Variants in CSMD1 observed in about 807,000 individuals in gnomAD.
CSMD1 encodes CUB and Sushi multiple domains 1.
CSMD1 carries 213 observed loss-of-function variants against 417.5 expected under a neutral mutation model. The observed-to-expected ratio is 0.51, with a 90% CI of 0.46 to 0.57. The LOEUF (loss-of-function observed/expected upper bound fraction) is 0.57. Ranked by LOEUF, CSMD1 falls within the 20% of genes least tolerant of loss-of-function variation. CSMD1 has a pLI of 0.00. For synonymous variants in CSMD1, 2,862 were observed against 1,736.8 expected (o/e 1.65, Z -16.11); for missense variants, 6,923 against 4,529.7 (o/e 1.53, Z -15.17).
At chr8:4,065,593 A>C (rs1302571452) in intron 3 of CSMD1, among the ~76,000 whole-genome samples, 1 of 152,168 alleles carries the variant, frequency 6.6e-6, no homozygotes, top group African/African-American at 2.4e-5. Context: ...TTCTTGCTCA[A>C]ATGCTATGTA....
At chr8:4,275,043 C>T (rs1338358208) in intron 3 of CSMD1, among the ~76,000 whole-genome samples, 1 of 152,076 alleles carries the variant, frequency 6.6e-6, no homozygotes, top group Non-Finnish European at 1.5e-5. Flanking sequence ...CCTTAAACTA[C>T]TTGCTCCAAG....
rs139435869 is a variant in CSMD1 at position 4,391,581 on chromosome 8, C to T, written c.415+28372G>A. Among the ~76,000 whole-genome samples, 64 of 152,100 alleles carry T rather than the reference C, an allele frequency of 4.2e-4. 1 individual carries two copies. The highest frequency in any genetic ancestry group is 1.3e-3 in the African/African-American group (53 of 41,486). On this transcript the variant is annotated intron_variant, in intron 3 of 69. Coordinates refer to ENST00000635120, the MANE Select transcript of CSMD1 (RefSeq NM_033225.6). Reference sequence around the variant, plus strand: ...AGACTTGGCCAGTGACTTTCAGCTACCCTATTTTTGCCCCCGCTTTTGACT... The same window carrying T: ...AGACTTGGCCAGTGACTTTCAGCTATCCTATTTTTGCCCCCGCTTTTGACT...
chr8:4,487,130 A>G (rs1801454048), intron 2 of CSMD1, among the ~76,000 whole-genome samples: 1 of 152,184 alleles, frequency 6.6e-6, no homozygotes, highest in African/African-American at 2.4e-5. Flanking sequence ...CATATAAGGC[A>G]CTATTTCAAG....
chr8:3,431,791 A>T (rs2117022807), intron 12 of CSMD1, among the ~76,000 whole-genome samples: 1 of 152,296 alleles, frequency 6.6e-6, no homozygotes, highest in South Asian at 2.1e-4. Context: ...GCTCCTATTT[A>T]TTCATAACAT....
At chr8:4,121,273 C>A (rs990654683) in intron 3 of CSMD1, among the ~76,000 whole-genome samples, 5 of 151,996 alleles carry the variant, frequency 3.3e-5, no homozygotes, top group Admixed American at 6.6e-5. Context: ...TGACACCACA[C>A]CCAGCTCGTT....
At chr8:4,154,304 A>C (rs1245093050) in intron 3 of CSMD1, among the ~76,000 whole-genome samples, 1 of 152,216 alleles carries the variant, frequency 6.6e-6, no homozygotes, top group Non-Finnish European at 1.5e-5. Context: ...TTCTGTTCTC[A>C]GCTTCCTATT....
intron 6 of CSMD1, among the ~76,000 whole-genome samples, chr8:3,712,221 G>C (rs1400928534): frequency 6.6e-6 from 1 of 152,166 alleles, no homozygotes; most frequent in African/African-American, 2.4e-5. Flanking sequence ...AAGGGAAGGT[G>C]ACTTGTGGGT....
rs184975013 is a variant in CSMD1, at chr8:3,808,650, G to T, written c.819-54608C>A. On this transcript the variant is annotated intron_variant, in intron 5 of 69. Transcript: ENST00000635120. ...CATCAGAGATAGTTCCTGAGCCCAA[G>T]GGACTTAGGTCTTGTTTGTAGGATA... Among the ~76,000 whole-genome samples the T allele has an allele frequency of 3.7e-3, 570 of 152,226 alleles. 1 individual carries two copies. The highest frequency in any genetic ancestry group is 0.031 in the Middle Eastern group (9 of 294).
chr8:3,165,768 C>A (rs1820170291), intron 37 of CSMD1, among the ~76,000 whole-genome samples: 1 of 152,084 alleles, frequency 6.6e-6, no homozygotes, highest in African/African-American at 2.4e-5. Context: ...CTAGGCTTGA[C>A]ATACAGGACA....
intron 1 of CSMD1, among the ~76,000 whole-genome samples, chr8:4,935,749 GAGA>G (rs1351978765): frequency 6.6e-6 from 1 of 152,212 alleles, no homozygotes; most frequent in Non-Finnish European, 1.5e-5. Flanking sequence ...AATAAAATCT[GAGA>G]AGTTCTTCTG....
At chr8:4,934,667 TATC>T (rs1324252517) in intron 1 of CSMD1, among the ~76,000 whole-genome samples, 2 of 152,180 alleles carry the variant, frequency 1.3e-5, no homozygotes, top group African/African-American at 4.8e-5. Context: ...ATTATTGACC[TATC>T]ATCTATGATC....
intron 18 of CSMD1, among the ~76,000 whole-genome samples, chr8:3,383,209 T>C (rs1437893531): frequency 1.3e-5 from 2 of 152,236 alleles, no homozygotes; most frequent in African/African-American, 2.4e-5. Context: ...GATGCTTTCA[T>C]AGATGTTCAT....
chr8:4,878,936 G>A (rs1803220589), intron 1 of CSMD1, among the ~76,000 whole-genome samples: 1 of 151,658 alleles, frequency 6.6e-6, no homozygotes, highest in Non-Finnish European at 1.5e-5. Context: ...GGACGACAAG[G>A]TGAAGAGGAC....
In CSMD1 at chr8:3,821,169, C is replaced by T. The variant is rs577415330; in HGVS notation, c.819-67127G>A. Among the ~76,000 whole-genome samples the T allele has an allele frequency of 1.4e-4, 21 of 152,266 alleles. No individual in the cohort carries two copies. In the East Asian group the frequency reaches 2.5e-3, roughly 18 times the overall value. On this transcript the variant is annotated intron_variant, in intron 5 of 69. Coordinates refer to ENST00000635120, the MANE Select transcript of CSMD1 (RefSeq NM_033225.6). The stretch of plus-strand genomic sequence containing the variant: ...CTGACCTCAGGTGATCCACCCGCCT[C>T]GGCCTCCCAAACTGTGGGGATTACA...
intron 12 of CSMD1, among the ~76,000 whole-genome samples, chr8:3,421,139 A>G (rs533335705): frequency 1.3e-5 from 2 of 152,194 alleles, no homozygotes; most frequent in African/African-American, 2.4e-5. Context: ...CATCTTTAAC[A>G]TTCTATTAAA....
chr8:3,269,531 G>C (rs1801679940), intron 26 of CSMD1, among the ~76,000 whole-genome samples: 1 of 152,202 alleles, frequency 6.6e-6, no homozygotes, highest in Non-Finnish European at 1.5e-5. Flanking sequence ...CAATAAAGTA[G>C]GGAGAGGTGT....
At chr8:3,138,263 A>C (rs1235989129) in intron 41 of CSMD1, among the ~76,000 whole-genome samples, 7 of 152,176 alleles carry the variant, frequency 4.6e-5, no homozygotes, top group Non-Finnish European at 8.8e-5. Context: ...CAGTGACTTA[A>C]AATAAGGCAG....
chr8:4,071,398 T>TA (rs1457473753), intron 3 of CSMD1, among the ~76,000 whole-genome samples: 4 of 139,560 alleles, frequency 2.9e-5, no homozygotes, highest in African/African-American at 1.1e-4. Context: ...TAAACCTACT[T>TA]TAAAAAAAAT....
At chr8:3,566,396 C>G (rs1421787072) in intron 10 of CSMD1, among the ~76,000 whole-genome samples, 1 of 151,992 alleles carries the variant, frequency 6.6e-6, no homozygotes, top group African/African-American at 2.4e-5. Context: ...TACGAACGGA[C>G]CCAGGACATA....
Sources: allele counts gnomAD v4.1 joint callset (sites outside exome capture counted in the v4.1 genomes callset), GRCh38; gene constraint gnomAD v4.1.1; transcripts MANE v1.5; gene names NCBI Gene and HGNC (gene_info 2026-07-23, HGNC 2026-07-21).